The following POLR2F variants were observed in gnomAD, a reference collection of about 807,000 sequenced individuals.
POLR2F encodes the protein DNA-directed RNA polymerases I, II, and III subunit RPABC2.
In POLR2F, 12 loss-of-function variants were observed where a neutral mutation model predicts 22.7. The ratio of observed to expected loss-of-function variants is 0.53; its 90% CI spans 0.34 to 0.86. POLR2F has a LOEUF of 0.86. Among genes scored for constraint, POLR2F ranks in the 40% least tolerant of loss-of-function variants. The pLI, the probability that POLR2F is intolerant of heterozygous loss-of-function variation, is 0.02. For synonymous variants in POLR2F, 57 were observed against 66.0 expected (o/e 0.86, Z 0.66); for missense variants, 126 against 171.5 (o/e 0.73, Z 1.48).
At chr22:37,993,533 A>G in intron 1 of POLR2F, among the ~76,000 whole-genome samples, 1 of 152,226 alleles carries the variant, frequency 6.6e-6, no homozygotes, top group African/African-American at 2.4e-5. Context: ...CTTGTTAATG[A>G]AAATGGGAGC....
rs866397493 is a variant in POLR2F at position 38,034,924 on chromosome 22, C to G, written c.453-6144C>G. ...GGACGAGCTGGGGCTTTCCAGGATC[C>G]CACCCCAGCCTCCCCACCCCACCTT... On this transcript the variant is annotated intron_variant, in intron 5 of 5. Coordinates refer to the POLR2F transcript ENST00000407936. Among the ~76,000 whole-genome samples, 33 of 151,992 alleles carry G rather than the reference C, an allele frequency of 2.2e-4. 1 individual carries two copies. The highest frequency in any genetic ancestry group is 6.8e-3 in the Middle Eastern group (2 of 294).
chr22:37,965,166 C>T (rs1408352651), intron 3 of POLR2F, among the ~76,000 whole-genome samples: 1 of 150,784 alleles, frequency 6.6e-6, no homozygotes, highest in African/African-American at 2.4e-5. Context: ...CCACCACGGC[C>T]GGCTAATTTT....
At position 38,016,506 on chromosome 22, in the gene POLR2F, TC is replaced by T. The variant is rs962912249; in HGVS notation, c.121-9362del. On this transcript the variant is annotated intron_variant, in intron 1 of 2. Transcript: ENST00000333418. The surrounding 1 kb of genome is among the most constrained non-coding windows in gnomAD (Gnocchi z 4.4). ...TTTAGCCATGATGCCCTCTGACCTT[TC>T]ATAAATCAGAGGGGCTTAGGGGCGA... Among the ~76,000 whole-genome samples, 16 of 152,196 alleles carry T rather than the reference TC, an allele frequency of 1.1e-4. No individual in the cohort carries two copies. Among genetic ancestry groups the T allele is most frequent in the African/African-American group, 3.6e-4 (15 of 41,446 alleles).
intron 5 of POLR2F, among the ~76,000 whole-genome samples, chr22:38,033,552 G>A (rs1170450792): frequency 1.3e-5 from 2 of 152,230 alleles, no homozygotes; most frequent in Non-Finnish European, 2.9e-5. Flanking sequence ...ACAGAGCCTC[G>A]CCAAGGCAAG....
chr22:37,964,762 G>A (rs771487885), intron 3 of POLR2F, among the ~76,000 whole-genome samples: 1 of 151,806 alleles, frequency 6.6e-6, no homozygotes, highest in Non-Finnish European at 1.5e-5. Context: ...TAGTAGAGAC[G>A]GTGTTTCACC....
At chr22:38,004,442 C>A (rs1306431899) in intron 1 of POLR2F, among the ~76,000 whole-genome samples, 1 of 152,066 alleles carries the variant, frequency 6.6e-6, no homozygotes, top group African/African-American at 2.4e-5. Flanking sequence ...ACTTCCTGAG[C>A]GCTCACTGTG....
chr22:37,973,606 G>A, downstream of POLR2F: 1 of 1,613,180 alleles, frequency 6.2e-7, no homozygotes, highest in Non-Finnish European at 8.5e-7. Flanking sequence ...GCCGCTGCGA[G>A]GGCCCCATAT....
At chr22:38,033,911 C>A (rs1226489322) in intron 5 of POLR2F, among the ~76,000 whole-genome samples, 1 of 152,142 alleles carries the variant, frequency 6.6e-6, no homozygotes, top group East Asian at 1.9e-4. Flanking sequence ...CATGCTGACT[C>A]TAAGTTTGCT....
chr22:37,980,152 G>A lies in POLR2F; in HGVS notation c.293+12982G>A, dbSNP rs906044123. On this transcript the variant is annotated intron_variant, in intron 4 of 4. Transcript: ENST00000405557. This position sits in a 1 kb window ranked among gnomAD's most constrained non-coding sequence, Gnocchi z 4.1. The stretch of plus-strand genomic sequence containing the variant: ...TGTACACACTTAGGACAAAGATGCC[G>A]GAGCAGGGCCTTGAGAGTCAGGGAG... Among the ~76,000 whole-genome samples the A allele has an allele frequency of 2.6e-5, 4 of 152,112 alleles. No individual in the cohort carries two copies. Among genetic ancestry groups the A allele is most frequent in the East Asian group, 1.9e-4 (1 of 5,178 alleles).
intron 1 of POLR2F, among the ~76,000 whole-genome samples, chr22:38,020,903 A>G (rs1228314791): frequency 6.6e-6 from 1 of 152,148 alleles, no homozygotes; most frequent in Non-Finnish European, 1.5e-5. Flanking sequence ...AATCAGGGTC[A>G]TGATTGGGTA....
intron 3 of POLR2F, among the ~76,000 whole-genome samples, chr22:37,963,213 A>G (rs763567890): frequency 6.9e-5 from 10 of 144,648 alleles, no homozygotes; most frequent in Admixed American, 4.2e-4. Flanking sequence ...CTGGTCTTGA[A>G]CTCCTGATCT....
chr22:38,039,182 C>T (rs1440182533), intron 5 of POLR2F, among the ~76,000 whole-genome samples: 1 of 152,244 alleles, frequency 6.6e-6, no homozygotes, highest in Admixed American at 6.5e-5. Context: ...GCCGTCTCTG[C>T]ACCCGCTCCC....
At chr22:38,025,371 C>T (rs1192459387) in intron 1 of POLR2F, among the ~76,000 whole-genome samples, 1 of 152,120 alleles carries the variant, frequency 6.6e-6, no homozygotes, top group Non-Finnish European at 1.5e-5. Context: ...CACACACACG[C>T]ACAGTCATAC....
At chr22:37,956,154 A>G (rs932234757) in intron 1 of POLR2F, among the ~76,000 whole-genome samples, 2 of 150,396 alleles carry the variant, frequency 1.3e-5, no homozygotes, top group African/African-American at 5.0e-5. Context: ...CAATGGCGTG[A>G]TCTCAGCTCA....
chr22:37,996,663 C>T (rs141755856), intron 1 of POLR2F, among the ~76,000 whole-genome samples: 5 of 152,286 alleles, frequency 3.3e-5, no homozygotes, highest in African/African-American at 9.6e-5. Flanking sequence ...TGGGTGGGAC[C>T]TGGGAGGCCT....
At position 37,980,263 on chromosome 22, in the gene POLR2F, A is replaced by C. The variant is rs1932356022; in HGVS notation, c.293+13093A>C. Among the ~76,000 whole-genome samples the C allele has an allele frequency of 6.6e-6, 1 of 152,032 alleles. No individual in the cohort carries two copies. The highest frequency in any genetic ancestry group is 1.9e-4 in the East Asian group (1 of 5,186). ...GGGTGTGACTGGGGAGAACCCACAG[A>C]GGAGAGAGCTGCTCCGCCAGCAGTG... On this transcript the variant is annotated intron_variant, in intron 4 of 4. Transcript: ENST00000405557. This position sits in a 1 kb window ranked among gnomAD's most constrained non-coding sequence, Gnocchi z 4.1.
At chr22:38,023,797 C>G (rs182030725) in intron 1 of POLR2F, among the ~76,000 whole-genome samples, 1 of 151,452 alleles carries the variant, frequency 6.6e-6, no homozygotes, top group Admixed American at 6.6e-5. Flanking sequence ...CTCAGCCTCC[C>G]GAGAAGCTGG....
chr22:37,979,427 G>A (rs1415785987), intron 4 of POLR2F, among the ~76,000 whole-genome samples: 5 of 152,034 alleles, frequency 3.3e-5, no homozygotes, highest in East Asian at 1.9e-4. Context: ...TGCTGCTTGC[G>A]GGGGTGGTTG....
At chr22:38,006,785 T>C (rs1290179325) in intron 1 of POLR2F, among the ~76,000 whole-genome samples, 1 of 152,208 alleles carries the variant, frequency 6.6e-6, no homozygotes, top group Non-Finnish European at 1.5e-5. Context: ...TTTATGCCAT[T>C]GTCCTGGGGA....
Sources: gnomAD v4.1 joint callset for allele counts (sites outside exome capture counted in the v4.1 genomes callset) on GRCh38, gnomAD v4.1.1 for gene constraint, Gnocchi (gnomAD v3.1) non-coding constraint, MANE v1.5 for transcripts, NCBI Gene and HGNC (gene_info 2026-07-23, HGNC 2026-07-21) for gene names.